SLC36A1: variants seen among roughly 807,000 people sequenced by gnomAD.
SLC36A1 encodes the protein solute carrier family 36 member 1, also known as proton-coupled amino acid transporter 1.
SLC36A1 carries 30 observed loss-of-function variants against 47.5 expected under a neutral mutation model. That is an observed-to-expected ratio of 0.63 (90% confidence interval 0.47 to 0.86). The LOEUF is 0.86. Ranked by LOEUF, SLC36A1 falls within the 40% of genes least tolerant of loss-of-function variation. The probability of loss-of-function intolerance (pLI) is 0.00; values close to 1 mark genes in which losing one functional copy is unlikely to be tolerated. For synonymous variants in SLC36A1, 255 were observed against 249.7 expected (o/e 1.02, Z -0.20); for missense variants, 517 against 606.0 (o/e 0.85, Z 1.54).
At chr5:151,532,264 CA>C in the SLC36A1 span, among the ~76,000 whole-genome samples, 1 of 152,292 alleles carries the variant, frequency 6.6e-6, no homozygotes, top group Non-Finnish European at 1.5e-5. Context: ...GAAAAATATG[CA>C]GATAAAACCA....
chr5:151,364,801 A>G, the SLC36A1 span, among the ~76,000 whole-genome samples: 1 of 152,168 alleles, frequency 6.6e-6, no homozygotes, highest in Non-Finnish European at 1.5e-5. Context: ...AAGGACACCA[A>G]CAGGCTTTTC....
chr5:151,367,169 A>G, the SLC36A1 span, among the ~76,000 whole-genome samples: 1 of 152,162 alleles, frequency 6.6e-6, no homozygotes, highest in African/African-American at 2.4e-5. Context: ...CTTGATAAAC[A>G]TCTTAAACAA....
the SLC36A1 span, among the ~76,000 whole-genome samples, chr5:151,498,249 G>A: frequency 7.2e-5 from 11 of 152,218 alleles, no homozygotes; most frequent in South Asian, 2.3e-3. Context: ...ACGGCCAGGG[G>A]GGTGGGAATG....
chr5:151,518,403 A>G, the SLC36A1 span, among the ~76,000 whole-genome samples: 1 of 149,434 alleles, frequency 6.7e-6, no homozygotes, highest in South Asian at 2.1e-4. Context: ...AAATCAGGCC[A>G]GAAATGTAAT....
the SLC36A1 span, among the ~76,000 whole-genome samples, chr5:151,380,027 A>G: frequency 1.3e-5 from 2 of 152,196 alleles, no homozygotes; most frequent in Non-Finnish European, 2.9e-5. Flanking sequence ...AGAAGAAAAA[A>G]TGCACAAAAT....
chr5:151,457,298 G>C (rs1469925856), intron 1 of SLC36A1, among the ~76,000 whole-genome samples: 1 of 151,966 alleles, frequency 6.6e-6, no homozygotes, highest in African/African-American at 2.4e-5. Context: ...CATCTTTAAA[G>C]TAAGGGGCTT....
the SLC36A1 span, among the ~76,000 whole-genome samples, chr5:151,377,780 CTTTTT>C: frequency 6.6e-6 from 1 of 152,126 alleles, no homozygotes; most frequent in Non-Finnish European, 1.5e-5. Flanking sequence ...TTATTTTCTT[CTTTTT>C]TAACTATTTT....
the SLC36A1 span, among the ~76,000 whole-genome samples, chr5:151,403,582 G>T: frequency 7.4e-3 from 1,124 of 152,220 alleles, 19 homozygotes; most frequent in African/African-American, 0.026. Flanking sequence ...GCAATGTACA[G>T]CCTGCAGAAC....
At chr5:151,534,970 A>AT in the SLC36A1 span, among the ~76,000 whole-genome samples, 40 of 106,340 alleles carry the variant, frequency 3.8e-4, 3 homozygotes, top group Admixed American at 9.1e-4. Flanking sequence ...CTTCTAGGAA[A>AT]ATATATATAT....
chr5:151,487,895 G>T, intron 10 of SLC36A1, 88 bp from the exon 11 acceptor site: 1 of 1,461,706 alleles, frequency 6.8e-7, no homozygotes, highest in Non-Finnish European at 9.4e-7. Context: ...CCTATAAGAT[G>T]GACAGATGCT....
At chr5:151,509,985 A>G in the SLC36A1 span, 1 of 1,605,184 alleles carries the variant, frequency 6.2e-7, no homozygotes, top group Non-Finnish European at 8.5e-7. Context: ...ATTCCCTAAC[A>G]AGGAGCCCAT....
chr5:151,521,862 G>C, the SLC36A1 span: 1 of 1,614,216 alleles, frequency 6.2e-7, no homozygotes, highest in Admixed American at 1.7e-5. Flanking sequence ...CCACTGAGAA[G>C]TGCCTGCCCA....
the SLC36A1 span, chr5:151,507,360 T>C: frequency 1.2e-6 from 2 of 1,614,172 alleles, no homozygotes; most frequent in South Asian, 2.2e-5. Flanking sequence ...ACTCAATGGG[T>C]TGAGCTCGAT....
At chr5:151,521,565 G>A in the SLC36A1 span, 11 of 1,614,090 alleles carry the variant, frequency 6.8e-6, no homozygotes, top group East Asian at 2.2e-5. Context: ...CACCAGCCAC[G>A]GCCTCTGCAG....
At chr5:151,425,707 A>G in the SLC36A1 span, among the ~76,000 whole-genome samples, 1 of 152,214 alleles carries the variant, frequency 6.6e-6, no homozygotes, top group Non-Finnish European at 1.5e-5. Context: ...TCTAGAAACG[A>G]AATTCACAGC....
chr5:151,494,353 C>T (rs73798906), downstream of SLC36A1, among the ~76,000 whole-genome samples: 739 of 152,248 alleles, frequency 4.9e-3, 4 homozygotes, highest in African/African-American at 0.017. Context: ...TTCAAATGTG[C>T]AGTTCAATGT....
chr5:151,497,322 A>G (rs1561800603), downstream of SLC36A1, among the ~76,000 whole-genome samples: 1 of 152,142 alleles, frequency 6.6e-6, no homozygotes, highest in Non-Finnish European at 1.5e-5. Context: ...ATTTTGTCAA[A>G]TGCTTTTTCT....
the SLC36A1 span, among the ~76,000 whole-genome samples, chr5:151,422,941 C>T: frequency 2.0e-5 from 3 of 152,034 alleles, no homozygotes; most frequent in Non-Finnish European, 1.5e-5. Context: ...GACCCTGTGC[C>T]CCACTCCACT....
At chr5:151,547,913 A>G in the SLC36A1 span, among the ~76,000 whole-genome samples, 2 of 152,158 alleles carry the variant, frequency 1.3e-5, no homozygotes, top group African/African-American at 2.4e-5. Context: ...ACATTCCTGT[A>G]TTTTTCGTGT....
Sources: allele counts gnomAD v4.1 joint callset (sites outside exome capture counted in the v4.1 genomes callset), GRCh38; gene constraint gnomAD v4.1.1; transcripts MANE v1.5; gene names NCBI Gene and HGNC (gene_info 2026-07-23, HGNC 2026-07-21).